ZFHX3: variants seen among roughly 807,000 people sequenced by gnomAD.
ZFHX3 encodes zinc finger homeobox protein 3.
Under a neutral mutation model 279.1 loss-of-function variants are expected in ZFHX3, and 42 were observed. The observed-to-expected ratio is 0.15, with a 90% CI of 0.12 to 0.19. The LOEUF is 0.19. ZFHX3 is among the 10% of genes least tolerant of loss of function. The pLI is 1.00. For synonymous variants in ZFHX3, 2,293 were observed against 1,957.8 expected, an observed-to-expected ratio of 1.17 and a Z score of -4.52; for missense variants, 4,981 against 4,754.0, an observed-to-expected ratio of 1.05 and a Z score of -1.40.
chr16:72,965,416 G>A (rs1961790524), intron 1 of ZFHX3, among the ~76,000 whole-genome samples: 1 of 152,194 alleles, frequency 6.6e-6, no homozygotes, highest in Non-Finnish European at 1.5e-5. Context: ...GCAGACAAGA[G>A]AGGATAAAGG....
chr16:73,564,321 C>T (rs1476770612), intron 2 of ZFHX3, among the ~76,000 whole-genome samples: 1 of 152,156 alleles, frequency 6.6e-6, no homozygotes. Flanking sequence ...GCCACAGCTT[C>T]CGCCGATTCC....
At chr16:73,764,699 G>T (rs2142285693) in intron 1 of ZFHX3, among the ~76,000 whole-genome samples, 1 of 152,226 alleles carries the variant, frequency 6.6e-6, no homozygotes, top group Non-Finnish European at 1.5e-5. Context: ...AACAACCAAA[G>T]AAAGAACAGG....
chr16:73,791,391 G>A (rs1326072156), intron 1 of ZFHX3, among the ~76,000 whole-genome samples: 4 of 151,974 alleles, frequency 2.6e-5, no homozygotes, highest in African/African-American at 7.3e-5. Flanking sequence ...CCTGACCCGG[G>A]CCCAGAATTT....
At chr16:73,470,043 A>T (rs1325362430) in intron 2 of ZFHX3, among the ~76,000 whole-genome samples, 7 of 152,124 alleles carry the variant, frequency 4.6e-5, no homozygotes, top group Admixed American at 2.0e-4. Context: ...TTCCAACTCT[A>T]ATGTGTATAT....
chr16:72,837,375 G>A (rs1019904043), intron 4 of ZFHX3, among the ~76,000 whole-genome samples: 1 of 151,770 alleles, frequency 6.6e-6, no homozygotes, highest in African/African-American at 2.4e-5. Context: ...AGATGACAAC[G>A]ACACAAACAG....
chr16:73,849,106 T>G (rs1026015956), intron 1 of ZFHX3, among the ~76,000 whole-genome samples: 1 of 152,250 alleles, frequency 6.6e-6, no homozygotes, highest in African/African-American at 2.4e-5. Flanking sequence ...AACTCATCAG[T>G]GCAAAGTATG....
At chr16:72,961,565 G>C (rs897577039) in intron 1 of ZFHX3, among the ~76,000 whole-genome samples, 3 of 151,454 alleles carry the variant, frequency 2.0e-5, no homozygotes, top group Non-Finnish European at 4.4e-5. Context: ...TTCACACTCA[G>C]CCGGTGAAGG....
chr16:73,631,921 TCTCTCTCACACA>T (rs1275896670), intron 2 of ZFHX3, among the ~76,000 whole-genome samples: 5 of 105,922 alleles, frequency 4.7e-5, no homozygotes, highest in African/African-American at 1.3e-4. Context: ...TCTCTCTCTC[TCTCTCTCACACA>T]CACACACACA....
intron 1 of ZFHX3, among the ~76,000 whole-genome samples, chr16:73,713,125 C>G (rs1008041893): frequency 6.6e-6 from 1 of 152,092 alleles, no homozygotes; most frequent in Non-Finnish European, 1.5e-5. Context: ...AATAAAATCC[C>G]CAATCGTTTA....
intron 1 of ZFHX3, among the ~76,000 whole-genome samples, chr16:73,851,659 C>T (rs572990190): frequency 7.2e-5 from 11 of 152,234 alleles, no homozygotes; most frequent in African/African-American, 2.2e-4. Flanking sequence ...TTAGAGGGGA[C>T]GACGAAGCTA....
intron 1 of ZFHX3, among the ~76,000 whole-genome samples, chr16:73,869,721 A>G (rs13335457): frequency 0.032 from 4,925 of 152,322 alleles, 294 homozygotes; most frequent in African/African-American, 0.11. Flanking sequence ...CAACTACCCC[A>G]ATATAAAGCT....
At chr16:73,115,377 C>A (rs369057204) in intron 7 of ZFHX3, among the ~76,000 whole-genome samples, 623 of 80,180 alleles carry the variant, frequency 7.8e-3, no homozygotes, top group South Asian at 0.012. Flanking sequence ...CCTATCTCTA[C>A]AAAAAAAAAA....
chr16:73,424,675 G>A (rs1245332139), intron 3 of ZFHX3, among the ~76,000 whole-genome samples: 2 of 144,460 alleles, frequency 1.4e-5, no homozygotes, highest in Admixed American at 7.2e-5. Context: ...GAGCACTTGA[G>A]CCCAGGAGGT....
chr16:72,954,047 G>A (rs1961124859), intron 2 of ZFHX3, among the ~76,000 whole-genome samples: 1 of 152,192 alleles, frequency 6.6e-6, no homozygotes, highest in Non-Finnish European at 1.5e-5. Flanking sequence ...ATCTCACCCA[G>A]TTCACAAACA....
intron 8 of ZFHX3, among the ~76,000 whole-genome samples, chr16:73,070,211 T>A (rs969076848): frequency 6.6e-6 from 1 of 152,224 alleles, no homozygotes; most frequent in African/African-American, 2.4e-5. Flanking sequence ...ACTCTTTTAA[T>A]GTATTCTCAT....
chr16:73,770,881 T>A (rs895067991), intron 1 of ZFHX3, among the ~76,000 whole-genome samples: 2 of 152,168 alleles, frequency 1.3e-5, no homozygotes. Flanking sequence ...TAGAGCACAA[T>A]AAATACCATT....
intron 3 of ZFHX3, among the ~76,000 whole-genome samples, chr16:73,335,184 G>T (rs970066861): frequency 8.6e-5 from 13 of 152,032 alleles, no homozygotes; most frequent in African/African-American, 2.9e-4. Context: ...TGAAGTGATA[G>T]CTATAATAAT....
At chr16:73,166,956 C>A (rs1967389187) in intron 5 of ZFHX3, among the ~76,000 whole-genome samples, 1 of 152,184 alleles carries the variant, frequency 6.6e-6, no homozygotes, top group African/African-American at 2.4e-5. Flanking sequence ...CACAACACAA[C>A]ACACAGCATC....
chr16:72,850,942 G>A (rs1254000465), intron 4 of ZFHX3, among the ~76,000 whole-genome samples: 3 of 152,042 alleles, frequency 2.0e-5, no homozygotes, highest in Non-Finnish European at 4.4e-5. Context: ...GGGGTTGGGG[G>A]GAGAAAGTAG....
Sources: allele counts gnomAD v4.1 joint callset (sites outside exome capture counted in the v4.1 genomes callset), GRCh38; gene constraint gnomAD v4.1.1; transcripts MANE v1.5; gene names NCBI Gene and HGNC (gene_info 2026-07-23, HGNC 2026-07-21).